Variants in PARP4 observed in about 807,000 individuals in gnomAD.
PARP4 encodes protein mono-ADP-ribosyltransferase PARP4.
PARP4 carries 120 observed loss-of-function variants against 187.7 expected under a neutral mutation model. The ratio of observed to expected loss-of-function variants is 0.64; its 90% CI spans 0.55 to 0.74. The LOEUF (loss-of-function observed/expected upper bound fraction) is 0.74, where lower values mean the gene tolerates loss of function less well. Ranked by LOEUF, PARP4 falls within the 30% of genes least tolerant of loss-of-function variation. The pLI is 0.00. For synonymous variants in PARP4, 654 were observed against 740.9 expected (o/e 0.88, Z 1.90); for missense variants, 1,836 against 2,070.5 (o/e 0.89, Z 2.20).
chr13:24,496,531 C>T (rs1196983666), intron 6 of PARP4, among the ~76,000 whole-genome samples: 4 of 152,126 alleles, frequency 2.6e-5, no homozygotes, highest in African/African-American at 7.2e-5. Context: ...ATCTGGAACC[C>T]GAGACAATGC....
At chr13:24,469,706 C>T (rs932781714) in intron 16 of PARP4, among the ~76,000 whole-genome samples, 188 bp downstream of exon 16, 1 of 152,154 alleles carries the variant, frequency 6.6e-6, no homozygotes, top group South Asian at 2.1e-4. Flanking sequence ...GGGTAGAAAC[C>T]CTTCATCACG....
chr13:24,466,012 C>G (rs1593619873), intron 17 of PARP4, among the ~76,000 whole-genome samples: 1 of 152,220 alleles, frequency 6.6e-6, no homozygotes, highest in East Asian at 1.9e-4. Flanking sequence ...CAGTGCTGAC[C>G]AATGTAACTT....
In PARP4 at chr13:24,498,180, G is replaced by C. The variant is rs372500814; in HGVS notation, c.527C>G (p.Ser176Trp). Residue 176 changes from serine (S) to tryptophan (W), a missense_variant, in exon 6 of 34, where the codon TCG becomes TGG. Around this residue, in one of 8 missense-constraint regions of PARP4, gnomAD observed 1,147 missense variants for 1,214.2 expected, o/e 0.94. Coordinates refer to ENST00000381989, the MANE Select transcript of PARP4 (RefSeq NM_006437.4). The part of the protein sequence containing the change: ...QEAVVVELQC[S>W]RDSRDCPFLI... The stretch of plus-strand genomic sequence containing the variant: ...GAAAGGACAGTCCCTGGAGTCCCGC[G>C]AACACTGAAGCTCCACCACCACAGC... 3.1e-6 allele frequency: 5 copies of C among 1,613,710 alleles called. No individual in the cohort carries two copies. The highest frequency in any genetic ancestry group is 4.2e-6 in the Non-Finnish European group (5 of 1,179,964).
chr13:24,422,641 A>C (rs1358309027), intron 33 of PARP4, among the ~76,000 whole-genome samples: 1 of 152,066 alleles, frequency 6.6e-6, no homozygotes, highest in Non-Finnish European at 1.5e-5. Context: ...ATGGAGTCTC[A>C]CTGTGTCGCC....
intron 4 of PARP4, among the ~76,000 whole-genome samples, chr13:24,499,880 A>G (rs866714968): frequency 5.5e-4 from 83 of 152,262 alleles, no homozygotes; most frequent in African/African-American, 2.0e-3. Context: ...AATTAACCCG[A>G]TGTTTTGGGT....
intron 13 of PARP4, 71 bp downstream of exon 13, chr13:24,478,022 A>G (rs1355917154): frequency 8.1e-7 from 1 of 1,232,580 alleles, no homozygotes; most frequent in Non-Finnish European, 1.1e-6. Flanking sequence ...TAATGAAAAT[A>G]GGAGCAAAAA....
chr13:24,473,792 G>C (rs1872840514), intron 15 of PARP4, among the ~76,000 whole-genome samples: 1 of 152,050 alleles, frequency 6.6e-6, no homozygotes. Flanking sequence ...CCAGTGATCA[G>C]GGCTGGGTTG....
At chr13:24,444,872 T>A (rs1381135686) in intron 27 of PARP4, among the ~76,000 whole-genome samples, 1 of 152,168 alleles carries the variant, frequency 6.6e-6, no homozygotes, top group African/African-American at 2.4e-5. Context: ...ATCTGCCTTA[T>A]CCAGATTTAG....
chr13:24,496,959 G>A (rs1868991369), intron 6 of PARP4, among the ~76,000 whole-genome samples: 1 of 152,104 alleles, frequency 6.6e-6, no homozygotes, highest in African/African-American at 2.4e-5. Context: ...GGAGGCAGAG[G>A]TTGCAGTGAG....
intron 17 of PARP4, among the ~76,000 whole-genome samples, chr13:24,467,074 A>G (rs1397044150): frequency 6.6e-6 from 1 of 152,238 alleles, no homozygotes; most frequent in Non-Finnish European, 1.5e-5. Context: ...ATAGGGTTAT[A>G]GTGACAAGTC....
At chr13:24,499,400 A>T in intron 4 of PARP4, 24 bp from the exon 5 acceptor site, 1 of 1,535,208 alleles carries the variant, frequency 6.5e-7, no homozygotes, top group Non-Finnish European at 8.7e-7. Context: ...TGTATAATTA[A>T]AATTTTAACA....
At chr13:24,481,142 T>C (rs545186737) in intron 12 of PARP4, among the ~76,000 whole-genome samples, 1 of 152,350 alleles carries the variant, frequency 6.6e-6, no homozygotes, top group East Asian at 1.9e-4. Context: ...GCTCTACAAA[T>C]GGAACGACAA....
chr13:24,441,442 T>A (rs529490964), intron 30 of PARP4, among the ~76,000 whole-genome samples: 3 of 152,282 alleles, frequency 2.0e-5, no homozygotes, highest in Non-Finnish European at 4.4e-5. Flanking sequence ...ATTTCTATTA[T>A]GTTTCTGGTT....
At chr13:24,449,312 C>T (rs11841118) in intron 25 of PARP4, among the ~76,000 whole-genome samples, 5,190 of 149,896 alleles carry the variant, frequency 0.035, 303 homozygotes, top group African/African-American at 0.12. Flanking sequence ...GGCGTGAACC[C>T]GGGAGGCAGA....
intron 1 of PARP4, among the ~76,000 whole-genome samples, chr13:24,510,075 A>G (rs982485264): frequency 3.9e-5 from 6 of 152,182 alleles, no homozygotes; most frequent in Non-Finnish European, 7.3e-5. Context: ...TTAATATTCT[A>G]TATTTAATGT....
At position 24,493,641 on chromosome 13, in the gene PARP4, C is replaced by A; in HGVS notation, c.834G>T (p.Leu278=). The A allele has an allele frequency of 6.2e-7, 1 of 1,613,992 alleles. No individual in the cohort carries two copies. The highest frequency in any genetic ancestry group is 8.5e-7 in the Non-Finnish European group (1 of 1,179,974). ...TCACTGGCTTGAGAAGCATGTGTTC[C>A]AGGTGGCCCAGGGCCTCTGCCCAAA... The part of the protein sequence containing the change: ...EMIWAEALGH[L]EHMLLKPVNR... The change falls in exon 8 of 34, where the codon CTG becomes CTT. Residue 278 remains leucine, a synonymous_variant. Transcript: ENST00000381989.
chr13:24,506,380 T>C (rs990532807), intron 1 of PARP4, among the ~76,000 whole-genome samples: 4 of 152,094 alleles, frequency 2.6e-5, no homozygotes, highest in African/African-American at 9.7e-5. Flanking sequence ...AAAACAAAGC[T>C]TCCACAGCGT....
Position 24,475,578 on chromosome 13 carries a change from G to C in PARP4, c.1808C>G (p.Ala603Gly). 1 of 1,614,058 alleles carries C rather than the reference G, an allele frequency of 6.2e-7. No homozygotes were observed. Among genetic ancestry groups the C allele is most frequent in the South Asian group, 1.1e-5 (1 of 91,074 alleles). Residue 603 changes from alanine (A) to glycine (G), a missense_variant, in exon 15 of 34, where the codon GCC becomes GGC. Physicochemically the swap from Ala to Gly is moderately conservative, Grantham distance 60. Coordinates refer to ENST00000381989, the MANE Select transcript of PARP4 (RefSeq NM_006437.4). The stretch of plus-strand genomic sequence containing the variant: ...GGCCTTGGTGCTGCTGGAAGTTTTG[G>C]CATCTGGTAACTGGTAATCTAAACG... Reference protein sequence around the residue: ...SKVEDYQLPDAKTSSSTKAGL... With the variant: ...SKVEDYQLPDGKTSSSTKAGL...
At chr13:24,451,761 T>C (rs1369178467) in intron 24 of PARP4, among the ~76,000 whole-genome samples, 2 of 152,178 alleles carry the variant, frequency 1.3e-5, no homozygotes, top group African/African-American at 4.8e-5. Context: ...TGTTCGATGT[T>C]TTCCTTACAC....
Sources: gnomAD v4.1 joint callset for allele counts (sites outside exome capture counted in the v4.1 genomes callset) on GRCh38, gnomAD v4.1.1 for gene constraint, gnomAD v4.1.1 regional missense constraint, MANE v1.5 for transcripts, NCBI Gene and HGNC (gene_info 2026-07-23, HGNC 2026-07-21) for gene names.